The following TCF7L1 variants were observed in gnomAD, a reference collection of about 807,000 sequenced individuals.
TCF7L1 encodes transcription factor 7-like 1.
A neutral mutation model predicts 63.7 loss-of-function variants in TCF7L1; 18 were observed. The ratio of observed to expected loss-of-function variants is 0.28; its 90% CI spans 0.20 to 0.42. The LOEUF (loss-of-function observed/expected upper bound fraction) is 0.42, where lower values mean the gene tolerates loss of function less well. TCF7L1 is among the 10% of genes least tolerant of loss of function. The probability of loss-of-function intolerance (pLI) is 1.00; values close to 1 mark genes in which losing one functional copy is unlikely to be tolerated. For missense variants in TCF7L1, 654 were observed against 779.3 expected, an observed-to-expected ratio of 0.84 and a Z score of 1.91; for synonymous variants, 355 against 340.9, an observed-to-expected ratio of 1.04 and a Z score of -0.46.
intron 3 of TCF7L1, among the ~76,000 whole-genome samples, chr2:85,158,855 T>G (rs1188650546): frequency 2.0e-5 from 3 of 152,246 alleles, no homozygotes; most frequent in Non-Finnish European, 4.4e-5. Context: ...CTCCTGGTAC[T>G]GCCACAAGCT....
rs139605085 is a variant in TCF7L1 at position 85,145,508 on chromosome 2, T to C, written c.441+11058T>C. On this transcript the variant is annotated intron_variant, in intron 3 of 11. Transcript: ENST00000282111. The stretch of plus-strand genomic sequence containing the variant: ...TTGGGACTACACTCCCCTCTGTAAA[T>C]TCCAAAAAAGGATATGTCAGGGTCA... Among the ~76,000 whole-genome samples, 298 of 152,290 alleles carry C rather than the reference T, an allele frequency of 2.0e-3. 1 individual carries two copies. Among genetic ancestry groups the C allele is most frequent in the African/African-American group, 6.5e-3 (271 of 41,572 alleles).
Position 85,302,636 on chromosome 2 carries a change from G to A in TCF7L1, c.658+20G>A, listed in dbSNP as rs1439562363. Reference sequence around the variant, plus strand: ...AGACAGGTAAGTCGTCTGCCACTCAGGCAGTGCTGCTGCAGGGCAGGCGGG... The same window carrying A: ...AGACAGGTAAGTCGTCTGCCACTCAAGCAGTGCTGCTGCAGGGCAGGCGGG... On this transcript the variant is annotated intron_variant, in intron 5 of 11. Transcript: ENST00000282111. The A allele has an allele frequency of 2.1e-6, 3 of 1,452,654 alleles. No individual in the cohort carries two copies. Among genetic ancestry groups the A allele is most frequent in the South Asian group, 2.3e-5 (2 of 88,704 alleles). 90.0% of individuals were successfully genotyped at this position (1,452,654 alleles called of 1,614,324 possible). A position where few individuals can be genotyped will look rare whatever the true frequency, so the allele number is the denominator to read the frequency against.
At chr2:85,280,870 G>A (rs973532322) in intron 3 of TCF7L1, among the ~76,000 whole-genome samples, 1 of 152,138 alleles carries the variant, frequency 6.6e-6, no homozygotes. Flanking sequence ...GGCTGCGGGT[G>A]GAGAGTTGAG....
intron 3 of TCF7L1, among the ~76,000 whole-genome samples, chr2:85,168,935 G>T (rs77433347): frequency 0.056 from 8,551 of 152,190 alleles, 262 homozygotes; most frequent in Middle Eastern, 0.086. Context: ...TATGATTTTT[G>T]AAACTAAACT....
intron 3 of TCF7L1, among the ~76,000 whole-genome samples, chr2:85,140,660 C>T (rs902246206): frequency 2.6e-5 from 4 of 152,064 alleles, no homozygotes; most frequent in African/African-American, 7.2e-5. Context: ...ATCAGCTGGG[C>T]GTGGTGGCAG....
At chr2:85,202,533 A>G (rs1296893514) in intron 3 of TCF7L1, among the ~76,000 whole-genome samples, 2 of 152,234 alleles carry the variant, frequency 1.3e-5, no homozygotes, top group Non-Finnish European at 2.9e-5. Context: ...GTCCTAGGTC[A>G]TAAAAAATAT....
intron 3 of TCF7L1, among the ~76,000 whole-genome samples, chr2:85,191,334 C>T (rs1471843898): frequency 2.6e-5 from 4 of 152,170 alleles, no homozygotes; most frequent in South Asian, 2.1e-4. Flanking sequence ...CCTCTGGTCC[C>T]GCCAGCTTCT....
chr2:85,155,804 G>A (rs566867558), intron 3 of TCF7L1, among the ~76,000 whole-genome samples: 3 of 152,012 alleles, frequency 2.0e-5, no homozygotes, highest in East Asian at 1.9e-4. Context: ...CACCAGGCCC[G>A]TCTGCACCCC....
intron 3 of TCF7L1, among the ~76,000 whole-genome samples, chr2:85,242,278 G>A (rs932485297): frequency 6.6e-6 from 1 of 152,150 alleles, no homozygotes; most frequent in East Asian, 1.9e-4. Flanking sequence ...TGCCAACATA[G>A]AACCCACGTC....
chr2:85,202,978 C>T (rs535390642), intron 3 of TCF7L1, among the ~76,000 whole-genome samples: 1 of 152,224 alleles, frequency 6.6e-6, no homozygotes, highest in African/African-American at 2.4e-5. Flanking sequence ...GGACTACAGG[C>T]ACCCGCCACC....
chr2:85,156,448 C>G (rs1035655123), intron 3 of TCF7L1, among the ~76,000 whole-genome samples: 1 of 152,212 alleles, frequency 6.6e-6, no homozygotes, highest in Non-Finnish European at 1.5e-5. Context: ...CCCCTGTGTT[C>G]GTCTCCCCCA....
In TCF7L1 at chr2:85,306,657, AT is replaced by A; in HGVS notation, c.1257+102del. The A allele has an allele frequency of 2.0e-6, 2 of 985,848 alleles. No individual in the cohort carries two copies. Among genetic ancestry groups the A allele is most frequent in the Non-Finnish European group, 3.0e-6 (2 of 672,320 alleles). 61.1% of individuals were successfully genotyped at this position (985,848 alleles called of 1,614,324 possible). ...AAAGCAACTGCATTTATTTTTATTT[AT>A]TTTATTTTCTTTTATTTTTTGAGAC... On this transcript the variant is annotated intron_variant, in intron 10 of 11. Transcript: ENST00000282111. The surrounding 1 kb of genome is among the most constrained non-coding windows in gnomAD (Gnocchi z 4.3).
At chr2:85,188,825 C>G (rs1678986373) in intron 3 of TCF7L1, among the ~76,000 whole-genome samples, 1 of 152,214 alleles carries the variant, frequency 6.6e-6, no homozygotes, top group Non-Finnish European at 1.5e-5. Context: ...CTTAGTAAAA[C>G]TGCTACTTGG....
rs1471050539 is a variant in TCF7L1, at chr2:85,211,580, C to T, written c.442-71915C>T. Among the ~76,000 whole-genome samples, 7 of 152,178 alleles carry T rather than the reference C, an allele frequency of 4.6e-5. No individual in the cohort carries two copies. The East Asian group carries it at 1.3e-3, about 29-fold the overall frequency. ...AAACGATGCATTATAGGACCTGCTCCCTGCCCTCACCTAGCTTATAATTTA... is the reference window on the plus strand; with the variant it reads ...AAACGATGCATTATAGGACCTGCTCTCTGCCCTCACCTAGCTTATAATTTA... On this transcript the variant is annotated intron_variant, in intron 3 of 11. Transcript: ENST00000282111.
Position 85,133,619 on chromosome 2 carries a change from C to A in TCF7L1, c.-66C>A. ...GCAAGCGGGCGGGAGGGGCGCCGGG[C>A]CGGGCCGGGCAGGGCGCGGGCGGCT... On this transcript the variant is annotated 5_prime_UTR_variant, in exon 1 of 12. Transcript: ENST00000282111. This position sits in a 1 kb window ranked among gnomAD's most constrained non-coding sequence, Gnocchi z 4.4. 1.6e-6 allele frequency: 1 copy of A among 630,180 alleles called. No homozygotes were observed. Among genetic ancestry groups the A allele is most frequent in the Non-Finnish European group, 2.0e-6 (1 of 507,418 alleles). 39.0% of individuals were successfully genotyped at this position (630,180 alleles called of 1,614,324 possible).
intron 3 of TCF7L1, among the ~76,000 whole-genome samples, chr2:85,259,019 C>T (rs114745132): frequency 2.8e-3 from 426 of 152,316 alleles, no homozygotes; most frequent in African/African-American, 9.7e-3. Flanking sequence ...AATACCCCCA[C>T]ACTCGGTGAC....
rs1574088990 is a variant in TCF7L1, at chr2:85,170,495, C to T, written c.441+36045C>T. Among the ~76,000 whole-genome samples, 3 of 152,268 alleles carry T rather than the reference C, an allele frequency of 2.0e-5. No homozygotes were observed. The South Asian group carries it at 6.2e-4, about 32-fold the overall frequency. ...CCATGCCACTGTGTTCTAAAACAAG[C>T]CAGAGCCTCCAATTATAATCAGTAG... On this transcript the variant is annotated intron_variant, in intron 3 of 11. Coordinates refer to ENST00000282111, the MANE Select transcript of TCF7L1 (RefSeq NM_031283.3).
chr2:85,171,328 T>C (rs1421993358), intron 3 of TCF7L1, among the ~76,000 whole-genome samples: 1 of 152,212 alleles, frequency 6.6e-6, no homozygotes, highest in Non-Finnish European at 1.5e-5. Context: ...CCAAACCACA[T>C]GAGAAGGATT....
chr2:85,165,367 G>A (rs1024040984), intron 3 of TCF7L1, among the ~76,000 whole-genome samples: 1 of 113,636 alleles, frequency 8.8e-6, no homozygotes. Flanking sequence ...TTTTGAACAA[G>A]CCCAGCCTTA....
Sources: allele counts gnomAD v4.1 joint callset (sites outside exome capture counted in the v4.1 genomes callset), GRCh38; gene constraint gnomAD v4.1.1; non-coding constraint Gnocchi (gnomAD v3.1); transcripts MANE v1.5; gene names NCBI Gene and HGNC (gene_info 2026-07-23, HGNC 2026-07-21).